Variants in DNAH14 observed in about 807,000 individuals in gnomAD.
DNAH14 encodes axonemal beta dynein heavy chain 14.
In DNAH14, 478 loss-of-function variants were observed where a neutral mutation model predicts 520.9. That is an observed-to-expected ratio of 0.92 (90% CI 0.85 to 0.99). DNAH14 has a LOEUF of 0.99. Among genes scored for constraint, DNAH14 ranks in the 50% least tolerant of loss-of-function variants. DNAH14 has a pLI of 0.00. For synonymous variants in DNAH14, 1,581 were observed against 1,757.2 expected (o/e 0.90, Z 2.51); for missense variants, 4,831 against 5,234.5 (o/e 0.92, Z 2.38).
At position 225,272,997 on chromosome 1, in the gene DNAH14, T is replaced by G; in HGVS notation, c.7882T>G (p.Ser2628Ala). The change falls in exon 52 of 86, where the codon TCC (serine) becomes GCC (alanine). Residue 2628 changes from serine to alanine, a missense_variant. By Grantham distance (99) the Ser-to-Ala change is moderately conservative (BLOSUM62 1). Coordinates refer to ENST00000682510, the MANE Select transcript of DNAH14 (RefSeq NM_001367479.1). ...GCAAGCTGACAGGACTGTTGTTAACTCCAAAGAGATGGCTGCTCTGCTCTT... is the reference window on the plus strand; with the variant it reads ...GCAAGCTGACAGGACTGTTGTTAACGCCAAAGAGATGGCTGCTCTGCTCTT... Reference protein sequence around the residue: ...LLQADRTVVNSKEMAALLFVH... With the variant: ...LLQADRTVVNAKEMAALLFVH... 1 of 1,551,136 alleles carries G rather than the reference T, an allele frequency of 6.4e-7. No homozygotes were observed. The highest frequency in any genetic ancestry group is 8.7e-7 in the Non-Finnish European group (1 of 1,146,822).
chr1:224,944,406 C>G (rs1414655926), intron 1 of DNAH14, among the ~76,000 whole-genome samples: 2 of 152,154 alleles, frequency 1.3e-5, no homozygotes, highest in Non-Finnish European at 2.9e-5. Context: ...AGATGGGTTT[C>G]CTGAATACAG....
intron 38 of DNAH14, 31 bp from the exon 39 acceptor site, chr1:225,204,152 A>G: frequency 8.4e-7 from 1 of 1,185,638 alleles, no homozygotes; most frequent in East Asian, 2.9e-5. Context: ...TATTAAATAA[A>G]AATTTAAACA....
In DNAH14 at chr1:225,165,810, C is replaced by T. The variant is rs1278495599; in HGVS notation, c.5446-2129C>T. ...GTGTTGCTCAGGCTGATCTCGAACT[C>T]CTGGGCTCAAGCCGTCCGTCTGCCT... is the stretch of plus-strand genomic sequence containing the variant. On this transcript the variant is annotated intron_variant, in intron 35 of 85. Coordinates refer to ENST00000682510, the MANE Select transcript of DNAH14 (RefSeq NM_001367479.1). Among the ~76,000 whole-genome samples, 3 of 152,038 alleles carry T rather than the reference C, an allele frequency of 2.0e-5. No homozygotes were observed. In the East Asian group the frequency reaches 5.8e-4, roughly 29 times the overall value.
At chr1:225,222,288 G>A (rs1265379267) in intron 41 of DNAH14, among the ~76,000 whole-genome samples, 1 of 152,208 alleles carries the variant, frequency 6.6e-6, no homozygotes, top group Non-Finnish European at 1.5e-5. Context: ...TGGGACAACA[G>A]TTATCAGCTC....
intron 23 of DNAH14, among the ~76,000 whole-genome samples, chr1:225,114,511 A>G (rs1305792580): frequency 1.3e-5 from 2 of 152,254 alleles, no homozygotes; most frequent in African/African-American, 2.4e-5. Flanking sequence ...TCAATAGATC[A>G]TGTGTCCCCC....
chr1:225,336,059 A>T (rs1558442054), intron 66 of DNAH14, among the ~76,000 whole-genome samples: 1 of 146,834 alleles, frequency 6.8e-6, no homozygotes, highest in African/African-American at 2.5e-5. Context: ...ATATACATAT[A>T]TGTATACATA....
At chr1:225,299,884 A>G (rs1574614577) in intron 55 of DNAH14, among the ~76,000 whole-genome samples, 1 of 152,182 alleles carries the variant, frequency 6.6e-6, no homozygotes, top group Non-Finnish European at 1.5e-5. Context: ...CCTCTACTGG[A>G]GAGCTCCCCA....
Position 225,266,488 on chromosome 1 carries a change from T to C in DNAH14, c.7411-153T>C, listed in dbSNP as rs150419478. On this transcript the variant is annotated intron_variant, in intron 48 of 85. Transcript: ENST00000682510. ...TAGAATTCATTCTGCTGTTTTTAAA[T>C]AGGAAATCAGACATGTTATTACATA... 3.7e-3 allele frequency among the ~76,000 whole-genome samples: 560 copies of C among 152,264 alleles called. 4 individuals carry two copies. Among genetic ancestry groups the C allele is most frequent in the African/African-American group, 0.013 (543 of 41,576 alleles).
At chr1:225,291,968 T>G (rs766603076) in intron 55 of DNAH14, among the ~76,000 whole-genome samples, 12 of 152,146 alleles carry the variant, frequency 7.9e-5, no homozygotes, top group Non-Finnish European at 1.3e-4. Flanking sequence ...TAAGTTTGAG[T>G]TCCTTGTATA....
chr1:225,388,554 C>A, intron 82 of DNAH14, 63 bp downstream of exon 82: 1 of 898,840 alleles, frequency 1.1e-6, no homozygotes, highest in Non-Finnish European at 1.7e-6. Flanking sequence ...AGGTTTATGA[C>A]ATCATTTCCC....
At chr1:225,265,485 A>C (rs1168549399) in intron 48 of DNAH14, 116 bp downstream of exon 48, 1 of 852,604 alleles carries the variant, frequency 1.2e-6, no homozygotes, top group Admixed American at 3.9e-5. Flanking sequence ...TTTGAACATC[A>C]TAGAAGATGC....
At chr1:225,142,119 T>C (rs1022577341) in intron 28 of DNAH14, among the ~76,000 whole-genome samples, 4 of 152,228 alleles carry the variant, frequency 2.6e-5, no homozygotes, top group African/African-American at 9.6e-5. Context: ...GAGGATATAT[T>C]GTATTAATGA....
chr1:225,338,206 G>A (rs1438639562), intron 68 of DNAH14, 24 bp downstream of exon 68: 2 of 1,551,732 alleles, frequency 1.3e-6, no homozygotes, highest in East Asian at 2.4e-5. Context: ...GCTAAATTGA[G>A]TCAAATGTCT....
At chr1:225,037,196 G>A (rs1005671421) in intron 11 of DNAH14, among the ~76,000 whole-genome samples, 17 of 152,102 alleles carry the variant, frequency 1.1e-4, no homozygotes, top group African/African-American at 4.1e-4. Context: ...TTTGATTAGA[G>A]AATTTGGTCC....
chr1:225,335,725 ACATATGTG>A lies in DNAH14; in HGVS notation c.10081-1535_10081-1528del, dbSNP rs2094983432. Among the ~76,000 whole-genome samples the A allele has an allele frequency of 2.0e-5, 2 of 101,932 alleles. 1 individual carries two copies. The highest frequency in any genetic ancestry group is 3.8e-5 in the Non-Finnish European group (2 of 52,380). The allele number at this position is 101,932 out of a possible 152,430, so 66.9% of individuals were successfully genotyped here. A position where few individuals can be genotyped will look rare whatever the true frequency, so the allele number is the denominator to read the frequency against. On this transcript the variant is annotated intron_variant, in intron 66 of 85. Coordinates refer to ENST00000682510, the MANE Select transcript of DNAH14 (RefSeq NM_001367479.1). ...TGCATATATGTATATACGCATATAT[ACATATGTG>A]CATATATGTATATACGCATATATAC... is the stretch of plus-strand genomic sequence containing the variant.
At chr1:225,365,887 G>A (rs1485436876) in intron 76 of DNAH14, among the ~76,000 whole-genome samples, 2 of 152,162 alleles carry the variant, frequency 1.3e-5, no homozygotes, top group Admixed American at 6.5e-5. Flanking sequence ...TCCACTTTAA[G>A]TCTCCATCAG....
Position 225,331,507 on chromosome 1 carries a change from A to G in DNAH14, c.9794A>G (p.Asn3265Ser). Reference sequence around the variant, plus strand: ...GTTGCTGAAAAACAACTATTAGCAAATCGGAAAACAATGGCCAGCAGGCGC... The same window carrying G: ...GTTGCTGAAAAACAACTATTAGCAAGTCGGAAAACAATGGCCAGCAGGCGC... The part of the protein sequence containing the change: ...DTVAEKQLLA[N>S]RKTMASRRFQ... Residue 3265 changes from asparagine to serine, a missense_variant, in exon 65 of 86, where the codon AAT becomes AGT. Asn to Ser is a conservative substitution (Grantham distance 46). Transcript: ENST00000682510. The G allele has an allele frequency of 6.4e-7, 1 of 1,551,476 alleles. No individual in the cohort carries two copies.
At chr1:225,254,884 A>G (rs2092684102) in intron 44 of DNAH14, among the ~76,000 whole-genome samples, 2 of 152,220 alleles carry the variant, frequency 1.3e-5, no homozygotes, top group Admixed American at 1.3e-4. Flanking sequence ...CTATTGTTTC[A>G]ACTCACGTCA....
At chr1:225,341,301 A>G (rs796898435) in intron 69 of DNAH14, among the ~76,000 whole-genome samples, 1 of 152,114 alleles carries the variant, frequency 6.6e-6, no homozygotes, top group South Asian at 2.1e-4. Context: ...AAAGAAAATA[A>G]TCCAGTGACT....
Sources: gnomAD v4.1 joint callset for allele counts (sites outside exome capture counted in the v4.1 genomes callset) on GRCh38, gnomAD v4.1.1 for gene constraint, MANE v1.5 for transcripts, NCBI Gene and HGNC (gene_info 2026-07-23, HGNC 2026-07-21) for gene names.